The following CMIP variants were observed in gnomAD, a reference collection of about 807,000 sequenced individuals.
The protein encoded by CMIP is C-Maf-inducing protein.
CMIP carries 13 observed loss-of-function variants against 97.3 expected under a neutral mutation model. That is an observed-to-expected ratio of 0.13 (90% confidence interval 0.09 to 0.21). The LOEUF (loss-of-function observed/expected upper bound fraction) is 0.21, where lower values mean the gene tolerates loss of function less well. Among genes scored for constraint, CMIP ranks in the 10% least tolerant of loss-of-function variants. The pLI is 1.00. For missense variants in CMIP, 847 were observed against 1,024.9 expected (o/e 0.83, Z 2.37); for synonymous variants, 538 against 436.3 (o/e 1.23, Z -2.91).
intron 1 of CMIP, among the ~76,000 whole-genome samples, chr16:81,591,342 G>T (rs1283389600): frequency 1.3e-5 from 2 of 152,192 alleles, no homozygotes; most frequent in Middle Eastern, 3.2e-3. Flanking sequence ...GAGATGTAAG[G>T]TGCTATTTTA....
chr16:81,529,216 G>A (rs545942442), intron 1 of CMIP, among the ~76,000 whole-genome samples: 1 of 152,350 alleles, frequency 6.6e-6, no homozygotes, highest in East Asian at 1.9e-4. Flanking sequence ...CTTTCTGGAG[G>A]TCACAATGCT....
intron 1 of CMIP, among the ~76,000 whole-genome samples, chr16:81,548,995 G>A (rs12928588): frequency 0.38 from 57,564 of 152,162 alleles, 12,941 homozygotes; most frequent in Non-Finnish European, 0.5. Flanking sequence ...CTGGACCATT[G>A]GTGCTGAGGT....
At chr16:81,565,818 G>A (rs930684529) in intron 1 of CMIP, among the ~76,000 whole-genome samples, 2 of 152,162 alleles carry the variant, frequency 1.3e-5, no homozygotes, top group African/African-American at 4.8e-5. Flanking sequence ...TCTGGGGCAC[G>A]GCGCCGCCTC....
intron 1 of CMIP, among the ~76,000 whole-genome samples, chr16:81,452,896 T>G (rs1906319720): frequency 1.3e-5 from 2 of 149,596 alleles, no homozygotes; most frequent in Non-Finnish European, 3.0e-5. Flanking sequence ...TTTTTTTTTT[T>G]TTTTTTTTGC....
chr16:81,703,763 C>A, intron 17 of CMIP, 176 bp from the exon 18 acceptor site: 3 of 785,318 alleles, frequency 3.8e-6, no homozygotes, highest in Non-Finnish European at 5.8e-6. Context: ...CCTCTCTGGC[C>A]ACCCCCTTGG....
intron 1 of CMIP, among the ~76,000 whole-genome samples, chr16:81,481,330 G>T (rs78397237): frequency 0.03 from 4,617 of 152,264 alleles, 87 homozygotes; most frequent in Non-Finnish European, 0.046. Flanking sequence ...CAGCCTCATG[G>T]CAGGTGTACA....
At chr16:81,548,979 C>G (rs1026091993) in intron 1 of CMIP, among the ~76,000 whole-genome samples, 3 of 152,358 alleles carry the variant, frequency 2.0e-5, no homozygotes, top group East Asian at 1.9e-4. Context: ...TGACTTGGCA[C>G]CACAGCTGGA....
At chr16:81,633,616 G>A (rs958650198) in intron 3 of CMIP, among the ~76,000 whole-genome samples, 2 of 152,232 alleles carry the variant, frequency 1.3e-5, no homozygotes, top group African/African-American at 4.8e-5. Flanking sequence ...GCACCCTGGT[G>A]CACTTTCAGA....
Position 81,509,523 on chromosome 16 carries a change from C to A in CMIP, c.300+63982C>A, listed in dbSNP as rs542243155. On this transcript the variant is annotated intron_variant, in intron 1 of 20. Transcript: ENST00000537098. The stretch of plus-strand genomic sequence containing the variant: ...TTTTTAGCTCTAAAAATGGGAATGA[C>A]TTTCATGTTGGTGCCTGATGTGCAG... Among the ~76,000 whole-genome samples, 4 of 152,294 alleles carry A rather than the reference C, an allele frequency of 2.6e-5. No individual in the cohort carries two copies. In the South Asian group the frequency reaches 8.3e-4, roughly 32 times the overall value.
intron 10 of CMIP, among the ~76,000 whole-genome samples, chr16:81,689,380 G>A (rs865924428): frequency 3.0e-4 from 45 of 152,302 alleles, no homozygotes; most frequent in African/African-American, 1.1e-3. Flanking sequence ...TCTCATTGTG[G>A]TTTTCATTTG....
At chr16:81,664,411 C>T in intron 7 of CMIP, 62 bp downstream of exon 7, 1 of 1,494,946 alleles carries the variant, frequency 6.7e-7, no homozygotes, top group Middle Eastern at 2.1e-4. Flanking sequence ...CCGCGCGCCT[C>T]CCTGGCCTTT....
At chr16:81,574,506 G>T (rs183451457) in intron 1 of CMIP, among the ~76,000 whole-genome samples, 8 of 152,400 alleles carry the variant, frequency 5.2e-5, no homozygotes, top group African/African-American at 1.7e-4. Flanking sequence ...GGGAAAGGTG[G>T]AGATTTGGCA....
chr16:81,632,931 T>C (rs4888160), intron 3 of CMIP, among the ~76,000 whole-genome samples: 85,342 of 151,474 alleles, frequency 0.56, 24,429 homozygotes, highest in African/African-American at 0.64. Context: ...CGCATTACAG[T>C]GGCTTCCCAA....
chr16:81,545,199 T>C (rs776664578), intron 1 of CMIP, among the ~76,000 whole-genome samples: 77 of 152,332 alleles, frequency 5.1e-4, no homozygotes, highest in Non-Finnish European at 9.8e-4. Context: ...TGCCTTAGCT[T>C]CTTCCATCCT....
At chr16:81,521,020 C>G (rs1334779845) in intron 1 of CMIP, among the ~76,000 whole-genome samples, 1 of 152,224 alleles carries the variant, frequency 6.6e-6, no homozygotes, top group Non-Finnish European at 1.5e-5. Flanking sequence ...GGGCTCTTCA[C>G]TGATGCATTT....
At chr16:81,628,029 C>T (rs1368966410) in intron 3 of CMIP, among the ~76,000 whole-genome samples, 2 of 152,148 alleles carry the variant, frequency 1.3e-5, no homozygotes, top group Non-Finnish European at 2.9e-5. Context: ...GGGAAAGGCC[C>T]AGGGGACCAG....
At position 81,621,023 on chromosome 16, in the gene CMIP, C is replaced by A. The variant is rs930960806; in HGVS notation, c.477+97C>A. On this transcript the variant is annotated intron_variant, in intron 3 of 20. Coordinates refer to ENST00000537098, the MANE Select transcript of CMIP (RefSeq NM_198390.3). This position sits in a 1 kb window ranked among gnomAD's most constrained non-coding sequence, Gnocchi z 4.1. ...CCCAGAGGCATGAAAGTGGAGAACT[C>A]ATGCCTTCCAGATGGCTCAGCTGAG... The A allele has an allele frequency of 1.3e-4, 194 of 1,488,720 alleles. No individual in the cohort carries two copies. Among genetic ancestry groups the A allele is most frequent in the Non-Finnish European group, 2.4e-5 (26 of 1,079,986 alleles). The allele number at this position is 1,488,720 out of a possible 1,614,324, so 92.2% of individuals were successfully genotyped here. A position where few individuals can be genotyped will look rare whatever the true frequency, so the allele number is the denominator to read the frequency against.
At chr16:81,674,593 T>G (rs1220683960) in intron 9 of CMIP, among the ~76,000 whole-genome samples, 2 of 152,190 alleles carry the variant, frequency 1.3e-5, no homozygotes, top group African/African-American at 4.8e-5. Context: ...GATCAGGGCT[T>G]CTTTTTTTTT....
At chr16:81,647,687 C>T (rs776076868) in intron 3 of CMIP, among the ~76,000 whole-genome samples, 11 of 152,080 alleles carry the variant, frequency 7.2e-5, no homozygotes, top group African/African-American at 1.4e-4. Flanking sequence ...GCAGGGATTC[C>T]GGAGGCGTCC....
Sources: allele counts gnomAD v4.1 joint callset (sites outside exome capture counted in the v4.1 genomes callset), GRCh38; gene constraint gnomAD v4.1.1; non-coding constraint Gnocchi (gnomAD v3.1); transcripts MANE v1.5; gene names NCBI Gene and HGNC (gene_info 2026-07-23, HGNC 2026-07-21).